The following RNF41 variants were observed in gnomAD, a reference collection of about 807,000 sequenced individuals.
RNF41 encodes E3 ubiquitin-protein ligase NRDP1.
In RNF41, 4 loss-of-function variants were observed where a neutral mutation model predicts 33.0. The observed-to-expected ratio is 0.12, with a 90% confidence interval of 0.06 to 0.28. The LOEUF (loss-of-function observed/expected upper bound fraction) is 0.28, where lower values mean the gene tolerates loss of function less well. Among genes scored for constraint, RNF41 ranks in the 10% least tolerant of loss-of-function variants. The pLI is 1.00. For synonymous variants in RNF41, 164 were observed against 153.2 expected, an observed-to-expected ratio of 1.07 and a Z score of -0.52; for missense variants, 228 against 432.6, an observed-to-expected ratio of 0.53 and a Z score of 4.19.
Position 56,211,201 on chromosome 12 carries a change from C to T in RNF41, c.91-633G>A, listed in dbSNP as rs146347724. On this transcript the variant is annotated intron_variant, in intron 3 of 6. Coordinates refer to ENST00000345093, the MANE Select transcript of RNF41 (RefSeq NM_005785.4). ...AAAAAAAAAGCTGGGCCTGGTGGCACGTGCCTATAGTCCCAGCTAGCCAGG... is the reference window on the plus strand; with the variant it reads ...AAAAAAAAAGCTGGGCCTGGTGGCATGTGCCTATAGTCCCAGCTAGCCAGG... 3.6e-4 allele frequency among the ~76,000 whole-genome samples: 54 copies of T among 151,756 alleles called. No homozygotes were observed. In the East Asian group the frequency reaches 8.3e-3, roughly 23 times the overall value.
intron 3 of RNF41, among the ~76,000 whole-genome samples, chr12:56,212,091 G>T (rs2135806944): frequency 6.6e-6 from 1 of 152,312 alleles, no homozygotes; most frequent in South Asian, 2.1e-4. Context: ...GACCAGACTG[G>T]CCAACATGGT....
In RNF41 at chr12:56,208,197, G is replaced by A. The variant is rs146426971; in HGVS notation, c.464C>T (p.Thr155Met). The change falls in exon 5 of 7, where the codon ACG (threonine) becomes ATG (methionine). Residue 155 changes from threonine (T) to methionine (M), a missense_variant. By Grantham distance (81) the Thr-to-Met change is moderately conservative. Coordinates refer to ENST00000345093, the MANE Select transcript of RNF41 (RefSeq NM_005785.4). ...QQTRIAELEK[T>M]SAEHKHQLAE... Reference sequence around the variant, plus strand: ...CAGCTGGTGTTTGTGTTCAGCTGACGTCTTCTCCAGCTCTGCGATGCGTGT... The same window carrying A: ...CAGCTGGTGTTTGTGTTCAGCTGACATCTTCTCCAGCTCTGCGATGCGTGT... 76 of 1,614,194 alleles carry A rather than the reference G, an allele frequency of 4.7e-5. No individual in the cohort carries two copies. The East Asian group carries it at 1.2e-3, about 25-fold the overall frequency.
In RNF41 at chr12:56,206,248, C is replaced by A; in HGVS notation, c.*199G>T. 2 of 580,250 alleles carry A rather than the reference C, an allele frequency of 3.4e-6. No homozygotes were observed. Among genetic ancestry groups the A allele is most frequent in the South Asian group, 2.2e-5 (1 of 44,684 alleles). The allele number at this position is 580,250 out of a possible 1,614,324, so 35.9% of individuals were successfully genotyped here. A position where few individuals can be genotyped will look rare whatever the true frequency, so the allele number is the denominator to read the frequency against. On this transcript the variant is annotated 3_prime_UTR_variant, in exon 7 of 7. Transcript: ENST00000345093. This position sits in a 1 kb window ranked among gnomAD's most constrained non-coding sequence, Gnocchi z 5.7. ...TTATAGACATTTTAGGGGAATATGG[C>A]AAAGGGAGGAAATCTGGGTTTCCCA... is the stretch of plus-strand genomic sequence containing the variant.
intron 3 of RNF41, chr12:56,212,977 CCT>C: frequency 7.8e-7 from 1 of 1,288,546 alleles, no homozygotes; most frequent in East Asian, 5.5e-5. Context: ...TAAGGATTCA[CCT>C]CACTCATTGT....
intron 1 of RNF41, among the ~76,000 whole-genome samples, chr12:56,219,673 A>ACACACACACG (rs1256122421): frequency 6.6e-6 from 1 of 151,300 alleles, no homozygotes; most frequent in Non-Finnish European, 1.5e-5. Flanking sequence ...GTGTATATAC[A>ACACACACACG]CGCGCGCACC....
At chr12:56,209,265 T>G (rs992475566) in intron 4 of RNF41, among the ~76,000 whole-genome samples, 9 of 152,026 alleles carry the variant, frequency 5.9e-5, no homozygotes, top group African/African-American at 2.2e-4. Context: ...AAGCCCTATA[T>G]TCACAGCCCC....
Position 56,205,518 on chromosome 12 carries a change from T to A in RNF41, c.*929A>T, listed in dbSNP as rs1350832020. On this transcript the variant is annotated 3_prime_UTR_variant, in exon 7 of 7. Coordinates refer to ENST00000345093, the MANE Select transcript of RNF41 (RefSeq NM_005785.4). ...AAAAAAGGAAGTAAATAAATTAAAT[T>A]GCCAACAATGTGGCTGAGATAGCCA... 4 of 139,796 alleles carry A rather than the reference T, an allele frequency of 2.9e-5. No homozygotes were observed. Among genetic ancestry groups the A allele is most frequent in the African/African-American group, 5.3e-5 (2 of 37,448 alleles). The allele number at this position is 139,796 out of a possible 1,614,324, so 8.7% of individuals were successfully genotyped here.
In RNF41 at chr12:56,205,788, C is replaced by G. The variant is rs1338938614; in HGVS notation, c.*659G>C. ...AACAGATTAACCCCTACCCTAAACC[C>G]TGGCATTCCCTAATTATGAAAACTT... On this transcript the variant is annotated 3_prime_UTR_variant, in exon 7 of 7. Transcript: ENST00000345093. The G allele has an allele frequency of 6.5e-6, 1 of 152,848 alleles. No homozygotes were observed. Among genetic ancestry groups the G allele is most frequent in the Non-Finnish European group, 1.5e-5 (1 of 68,310 alleles). The allele number at this position is 152,848 out of a possible 1,614,324, so 9.5% of individuals were successfully genotyped here.
intron 4 of RNF41, among the ~76,000 whole-genome samples, chr12:56,209,753 G>A (rs1014098791): frequency 4.5e-4 from 69 of 152,174 alleles, no homozygotes; most frequent in Admixed American, 1.4e-3. Context: ...CACCGCGCCC[G>A]GCCCCACACC....
At chr12:56,210,270 T>C (rs1868381091) in intron 4 of RNF41, 27 bp downstream of exon 4, 2 of 1,602,988 alleles carry the variant, frequency 1.2e-6, no homozygotes, top group East Asian at 2.2e-5. Context: ...CCCTTATCCA[T>C]GTGGGGCAGA....
In RNF41 at chr12:56,207,737, G is replaced by A; in HGVS notation, c.511C>T (p.Gln171Ter). The A allele has an allele frequency of 6.2e-7, 1 of 1,613,836 alleles. No homozygotes were observed. The highest frequency in any genetic ancestry group is 8.5e-7 in the Non-Finnish European group (1 of 1,179,674). ...GCACGCATGTATGCCTTTAGCAGCTGGATGTCTCGCTTCTGTTGTGGGGAA... is the reference window on the plus strand; with the variant it reads ...GCACGCATGTATGCCTTTAGCAGCTAGATGTCTCGCTTCTGTTGTGGGGAA... ...HQLAEQKRDI[Q>*]LLKAYMRAIR... Residue 171 changes from glutamine to a stop codon, truncating the protein, a stop_gained, in exon 6 of 7, where the codon CAG becomes TAG. Coordinates refer to ENST00000345093, the MANE Select transcript of RNF41 (RefSeq NM_005785.4). LOFTEE classifies it high-confidence loss of function.
intron 1 of RNF41, among the ~76,000 whole-genome samples, chr12:56,217,221 A>G (rs1868971015): frequency 6.6e-6 from 1 of 151,804 alleles, no homozygotes; most frequent in Non-Finnish European, 1.5e-5. Context: ...GCACATAACT[A>G]CCAGTAATAA....
intron 1 of RNF41, among the ~76,000 whole-genome samples, chr12:56,218,246 G>T (rs530889324): frequency 1.3e-3 from 195 of 151,810 alleles, no homozygotes; most frequent in Middle Eastern, 3.4e-3. Flanking sequence ...GAGCCACCGC[G>T]CCTGGCCCAC....
At chr12:56,208,066 G>A (rs1437793631) in intron 5 of RNF41, 97 bp downstream of exon 5, 8 of 1,418,592 alleles carry the variant, frequency 5.6e-6, no homozygotes, top group Non-Finnish European at 7.9e-6. Context: ...ACAAGTGTAA[G>A]CACTGGTCTG....
Position 56,206,161 on chromosome 12 carries a change from A to T in RNF41, c.*286T>A. 2.7e-6 allele frequency: 1 copy of T among 373,952 alleles called. No homozygotes were observed. The highest frequency in any genetic ancestry group is 5.0e-5 in the East Asian group (1 of 20,076). The allele number at this position is 373,952 out of a possible 1,614,324, so 23.2% of individuals were successfully genotyped here. A position where few individuals can be genotyped will look rare whatever the true frequency, so the allele number is the denominator to read the frequency against. ...CTTTGTGCTTTCTGAAAATAACTGG[A>T]ACCAGGGACCCTAAGCAGGAAAATG... On this transcript the variant is annotated 3_prime_UTR_variant, in exon 7 of 7. Transcript: ENST00000345093. This position sits in a 1 kb window ranked among gnomAD's most constrained non-coding sequence, Gnocchi z 5.7.
In RNF41 at chr12:56,203,872, A is replaced by G. The variant is rs1399629136; in HGVS notation, c.*2575T>C. The G allele has an allele frequency of 7.4e-6, 1 of 134,836 alleles. No homozygotes were observed. The highest frequency in any genetic ancestry group is 1.6e-5 in the Non-Finnish European group (1 of 62,564). The allele number at this position is 134,836 out of a possible 1,614,324, so 8.4% of individuals were successfully genotyped here. A position where few individuals can be genotyped will look rare whatever the true frequency, so the allele number is the denominator to read the frequency against. On this transcript the variant is annotated 3_prime_UTR_variant, in exon 7 of 7. Coordinates refer to ENST00000345093, the MANE Select transcript of RNF41 (RefSeq NM_005785.4). ...AGGTGCCTGCCACCACGCCCGGCTAATTTTTTGTATTTTTAGTAGAGACGG... is the reference window on the plus strand; with the variant it reads ...AGGTGCCTGCCACCACGCCCGGCTAGTTTTTTGTATTTTTAGTAGAGACGG...
intron 3 of RNF41, 106 bp from the exon 4 acceptor site, chr12:56,210,674 A>G (rs1868410892): frequency 1.8e-6 from 2 of 1,107,112 alleles, no homozygotes; most frequent in Non-Finnish European, 2.6e-6. Context: ...AGCAGCCTCT[A>G]CGACAAGAGG....
At chr12:56,207,157 T>G (rs993354524) in intron 6 of RNF41, 1 of 1,317,554 alleles carries the variant, frequency 7.6e-7, no homozygotes, top group South Asian at 1.3e-5. Flanking sequence ...TATATATTGA[T>G]TCACACTTAC....
chr12:56,211,338 A>AAAAT (rs1253550285), intron 3 of RNF41, among the ~76,000 whole-genome samples: 3 of 152,076 alleles, frequency 2.0e-5, no homozygotes, highest in African/African-American at 4.8e-5. Flanking sequence ...AACCTGTTTC[A>AAAAT]AAATAAATAA....
Sources: gnomAD v4.1 joint callset for allele counts (sites outside exome capture counted in the v4.1 genomes callset) on GRCh38, gnomAD v4.1.1 for gene constraint, Gnocchi (gnomAD v3.1) non-coding constraint, MANE v1.5 for transcripts, NCBI Gene and HGNC (gene_info 2026-07-23, HGNC 2026-07-21) for gene names.